Variants in KMT2C observed in about 807,000 individuals in gnomAD.
The protein encoded by KMT2C is lysine methyltransferase 2C, also known as histone-lysine N-methyltransferase 2C.
KMT2C carries 88 observed loss-of-function variants against 507.9 expected under a neutral mutation model. The ratio of observed to expected loss-of-function variants is 0.17; its 90% CI spans 0.15 to 0.21. The LOEUF (loss-of-function observed/expected upper bound fraction) is 0.21, where lower values mean the gene tolerates loss of function less well. Ranked by LOEUF, KMT2C falls within the 10% of genes least tolerant of loss-of-function variation. KMT2C has a pLI of 1.00. For missense variants in KMT2C, 4,954 were observed against 5,957.8 expected, an observed-to-expected ratio of 0.83 and a Z score of 5.55; for synonymous variants, 2,049 against 2,080.8, an observed-to-expected ratio of 0.98 and a Z score of 0.42.
chr7:152,328,892 C>T (rs543781005), intron 3 of KMT2C, among the ~76,000 whole-genome samples: 2 of 152,044 alleles, frequency 1.3e-5, no homozygotes, highest in Admixed American at 6.6e-5. Flanking sequence ...ATGAGGAAAT[C>T]GTAGGGAGAA....
At chr7:152,373,992 C>A (rs538995411) in intron 1 of KMT2C, among the ~76,000 whole-genome samples, 1 of 152,064 alleles carries the variant, frequency 6.6e-6, no homozygotes, top group South Asian at 2.1e-4. Flanking sequence ...ACCAAGTAAT[C>A]AGGGAAATCG....
chr7:152,217,337 C>G (rs1256246926), intron 23 of KMT2C, among the ~76,000 whole-genome samples: 1 of 152,072 alleles, frequency 6.6e-6, no homozygotes, highest in Non-Finnish European at 1.5e-5. Flanking sequence ...ATATAGTAAT[C>G]TAAAACATTT....
intron 9 of KMT2C, among the ~76,000 whole-genome samples, chr7:152,255,625 A>G (rs1339573851): frequency 6.6e-6 from 1 of 152,166 alleles, no homozygotes; most frequent in Admixed American, 6.5e-5. Context: ...ATTACCAGAT[A>G]CTACAAAGGC....
At chr7:152,396,046 T>C (rs1224066103) in intron 1 of KMT2C, among the ~76,000 whole-genome samples, 2 of 152,174 alleles carry the variant, frequency 1.3e-5, no homozygotes, top group East Asian at 3.9e-4. Context: ...GCTACAAAAA[T>C]AGATCAATGA....
chr7:152,228,503 G>A (rs1338829534), intron 18 of KMT2C, among the ~76,000 whole-genome samples: 1 of 152,108 alleles, frequency 6.6e-6, no homozygotes, highest in African/African-American at 2.4e-5. Context: ...CAGTGTCATC[G>A]TGCAAAAGGA....
intron 53 of KMT2C, 114 bp from the exon 54 acceptor site, chr7:152,145,409 A>T (rs1048288427): frequency 1.9e-6 from 2 of 1,037,896 alleles, no homozygotes; most frequent in African/African-American, 3.3e-5. Context: ...GTTTTCCCCG[A>T]TAATAAAATG....
intron 1 of KMT2C, among the ~76,000 whole-genome samples, chr7:152,421,850 A>G (rs777953918): frequency 1.3e-5 from 2 of 152,200 alleles, no homozygotes; most frequent in African/African-American, 4.8e-5. Context: ...CAATGTGCCC[A>G]TGTTAACAAA....
intron 2 of KMT2C, among the ~76,000 whole-genome samples, chr7:152,350,115 T>C (rs2097097862): frequency 6.6e-6 from 1 of 152,096 alleles, no homozygotes; most frequent in African/African-American, 2.4e-5. Context: ...CTGGGCGTGG[T>C]GGCACATGCC....
At chr7:152,374,299 G>C (rs888668165) in intron 1 of KMT2C, among the ~76,000 whole-genome samples, 7 of 151,358 alleles carry the variant, frequency 4.6e-5, no homozygotes, top group Non-Finnish European at 5.9e-5. Flanking sequence ...CTGGGCAAGA[G>C]AGCAAGACTC....
intron 23 of KMT2C, among the ~76,000 whole-genome samples, chr7:152,209,034 C>T (rs1287441313): frequency 1.3e-5 from 2 of 151,924 alleles, no homozygotes; most frequent in Non-Finnish European, 2.9e-5. Context: ...TGGTACACGC[C>T]TAAAAGCCCA....
At chr7:152,199,195 C>T (rs1461542121) in intron 27 of KMT2C, 84 bp downstream of exon 27, 1 of 1,188,356 alleles carries the variant, frequency 8.4e-7, no homozygotes, top group East Asian at 2.7e-5. Context: ...TGAGGCCAAA[C>T]AAAAACATTT....
intron 18 of KMT2C, 143 bp from the exon 19 acceptor site, chr7:152,224,759 C>T (rs1039581460): frequency 2.7e-5 from 17 of 618,502 alleles, no homozygotes; most frequent in African/African-American, 2.4e-4. Flanking sequence ...TACGGAGGCC[C>T]AATACTGGGT....
intron 4 of KMT2C, chr7:152,312,417 GGGAAA>G: frequency 6.6e-6 from 1 of 152,510 alleles, no homozygotes; most frequent in Middle Eastern, 3.4e-3. Context: ...ATATTTTCCA[GGGAAA>G]ATGAAAACCC....
chr7:152,400,510 A>C (rs1220881120), intron 1 of KMT2C, among the ~76,000 whole-genome samples: 1 of 152,214 alleles, frequency 6.6e-6, no homozygotes, highest in Non-Finnish European at 1.5e-5. Flanking sequence ...AGGAAGAAGA[A>C]TCACACAGTA....
intron 40 of KMT2C, among the ~76,000 whole-genome samples, chr7:152,170,949 C>G (rs987987401): frequency 6.6e-6 from 1 of 152,138 alleles, no homozygotes; most frequent in East Asian, 1.9e-4. Flanking sequence ...CATCAAGTGA[C>G]TTTTTACCCG....
At chr7:152,267,956 T>C (rs1042542213) in intron 7 of KMT2C, among the ~76,000 whole-genome samples, 5 of 152,152 alleles carry the variant, frequency 3.3e-5, no homozygotes, top group Non-Finnish European at 7.4e-5. Context: ...GCTTGAAATT[T>C]TGTTTTTCTG....
chr7:152,311,903 T>G lies in KMT2C; in HGVS notation c.634A>C (p.Ser212Arg). Residue 212 changes from serine to arginine, a missense_variant, in exon 5 of 59, where the codon AGC becomes CGC. By Grantham distance (110) the Ser-to-Arg change is moderately radical. Transcript: ENST00000262189. Reference sequence around the variant, plus strand: ...TGATCATCTGAAGCTGTCTGGGTGCTTACACTTACACAAGATACTATATTC... The same window carrying G: ...TGATCATCTGAAGCTGTCTGGGTGCGTACACTTACACAAGATACTATATTC... ...QQNIVSCVSVSTQTASDDQAG... is the reference protein window; with the variant it reads ...QQNIVSCVSVRTQTASDDQAG... The G allele has an allele frequency of 1.2e-6, 2 of 1,610,084 alleles. No homozygotes were observed. Among genetic ancestry groups the G allele is most frequent in the Non-Finnish European group, 1.7e-6 (2 of 1,176,976 alleles).
chr7:152,309,900 A>C (rs1312019146), intron 6 of KMT2C, 66 bp downstream of exon 6: 2 of 991,528 alleles, frequency 2.0e-6, no homozygotes, highest in Non-Finnish European at 3.2e-6. Flanking sequence ...TAATCCTTTC[A>C]AGTGAACTTC....
rs572636912 is a variant in KMT2C, at chr7:152,297,722, CA to C, written c.849+12243del. ...TAAGTAACTCAACTACATCTCAAAA[CA>C]AAGCTCAAGAAGATTTATAGAATAA... On this transcript the variant is annotated intron_variant, in intron 6 of 58. Transcript: ENST00000262189. Among the ~76,000 whole-genome samples the C allele has an allele frequency of 7.1e-4, 108 of 152,168 alleles. 7 individuals carry two copies. In the South Asian group the frequency reaches 0.022, roughly 32 times the overall value.
Sources: allele counts gnomAD v4.1 joint callset (sites outside exome capture counted in the v4.1 genomes callset), GRCh38; gene constraint gnomAD v4.1.1; transcripts MANE v1.5; gene names NCBI Gene and HGNC (gene_info 2026-07-23, HGNC 2026-07-21).